Variants in OSBPL3 observed in about 807,000 individuals in gnomAD.
The protein encoded by OSBPL3 is oxysterol binding protein like 3.
A neutral mutation model predicts 120.1 loss-of-function variants in OSBPL3; 65 were observed. The observed-to-expected ratio is 0.54, with a 90% CI of 0.44 to 0.67. The LOEUF (loss-of-function observed/expected upper bound fraction) is 0.67. Ranked by LOEUF, OSBPL3 falls within the 30% of genes least tolerant of loss-of-function variation. OSBPL3 has a pLI of 0.00. For synonymous variants in OSBPL3, 416 were observed against 402.6 expected, an observed-to-expected ratio of 1.03 and a Z score of -0.40; for missense variants, 1,004 against 1,082.1, an observed-to-expected ratio of 0.93 and a Z score of 1.01.
At chr7:24,844,711 A>G (rs561091563) in intron 12 of OSBPL3, among the ~76,000 whole-genome samples, 137 of 152,330 alleles carry the variant, frequency 9.0e-4, no homozygotes, top group African/African-American at 2.9e-3. Context: ...TAGGTATTCA[A>G]AATAGAAAAT....
At chr7:24,929,360 C>T (rs965022038) in intron 1 of OSBPL3, among the ~76,000 whole-genome samples, 6 of 152,168 alleles carry the variant, frequency 3.9e-5, no homozygotes, top group East Asian at 1.9e-4. Flanking sequence ...TAGTTGCTAA[C>T]GCCGTAAAGA....
rs1351666768 is a variant in OSBPL3 at position 24,827,993 on chromosome 7, CCT to C, written c.1884+2773_1884+2774del. On this transcript the variant is annotated intron_variant, in intron 16 of 22. Coordinates refer to ENST00000313367, the MANE Select transcript of OSBPL3 (RefSeq NM_015550.4). This position sits in a 1 kb window ranked among gnomAD's most constrained non-coding sequence, Gnocchi z 5.1. ...CTTTCATCAAGTCATTCCTCAGCCT[CCT>C]CTCTGCCTTGTCAACACTCCTCTTA... Among the ~76,000 whole-genome samples, 5 of 152,184 alleles carry C rather than the reference CCT, an allele frequency of 3.3e-5. No homozygotes were observed.
chr7:24,943,736 A>G (rs956935249), intron 1 of OSBPL3, among the ~76,000 whole-genome samples: 5 of 152,222 alleles, frequency 3.3e-5, no homozygotes, highest in Non-Finnish European at 7.3e-5. Context: ...AAAAGCTTTC[A>G]CGTTCCCTGG....
At chr7:24,810,813 C>T (rs1489422482) in intron 19 of OSBPL3, among the ~76,000 whole-genome samples, 2 of 152,340 alleles carry the variant, frequency 1.3e-5, no homozygotes, top group East Asian at 3.9e-4. Context: ...GTTTATGTCA[C>T]TTATCCTCCA....
In OSBPL3 at chr7:24,871,274, G is replaced by C. The variant is rs552258800; in HGVS notation, c.268-429C>G. 7.0e-4 allele frequency among the ~76,000 whole-genome samples: 106 copies of C among 152,302 alleles called. No homozygotes were observed. Among genetic ancestry groups the C allele is most frequent in the Non-Finnish European group, 1.2e-3 (83 of 68,030 alleles). On this transcript the variant is annotated intron_variant, in intron 4 of 22. Coordinates refer to ENST00000313367, the MANE Select transcript of OSBPL3 (RefSeq NM_015550.4). The surrounding 1 kb of genome is among the most constrained non-coding windows in gnomAD (Gnocchi z 4.8). ...CAGAAGGCTGAGAGAGGACAGGAGA[G>C]GAAGAAGGGAGAAGAGTAGGACTCC...
intron 15 of OSBPL3, among the ~76,000 whole-genome samples, chr7:24,832,962 T>C (rs192792999): frequency 5.6e-4 from 86 of 152,288 alleles, no homozygotes; most frequent in Non-Finnish European, 1.1e-3. Context: ...CAGCTGAATA[T>C]CCTAAGGGTC....
rs1791752190 is a variant in OSBPL3, at chr7:24,796,632, G to A, written c.*3551C>T. 6.6e-6 allele frequency: 1 copy of A among 152,160 alleles called. No homozygotes were observed. Among genetic ancestry groups the A allele is most frequent in the African/African-American group, 2.4e-5 (1 of 41,432 alleles). 9.4% of individuals were successfully genotyped at this position (152,160 alleles called of 1,614,324 possible). ...TTTTTGGGGAGGCAGAGGTATGGAT[G>A]GAAGGGTGGGATTAAAACAAAATAA... On this transcript the variant is annotated 3_prime_UTR_variant, in exon 23 of 23. Coordinates refer to ENST00000313367, the MANE Select transcript of OSBPL3 (RefSeq NM_015550.4). The surrounding 1 kb of genome is among the most constrained non-coding windows in gnomAD (Gnocchi z 5.2).
chr7:24,921,048 T>C (rs1183873539), intron 1 of OSBPL3, among the ~76,000 whole-genome samples: 1 of 152,220 alleles, frequency 6.6e-6, no homozygotes, highest in East Asian at 1.9e-4. Context: ...TGAGCATTTA[T>C]TTATGTGTAA....
chr7:24,802,938 A>G lies in OSBPL3; in HGVS notation c.2567+1377T>C, dbSNP rs1455853846. Among the ~76,000 whole-genome samples, 1 of 152,128 alleles carries G rather than the reference A, an allele frequency of 6.6e-6. No individual in the cohort carries two copies. Among genetic ancestry groups the G allele is most frequent in the Non-Finnish European group, 1.5e-5 (1 of 68,036 alleles). On this transcript the variant is annotated intron_variant, in intron 22 of 22. Coordinates refer to ENST00000313367, the MANE Select transcript of OSBPL3 (RefSeq NM_015550.4). The surrounding 1 kb of genome is among the most constrained non-coding windows in gnomAD (Gnocchi z 4.1). ...TTAAACGTTTAAATGAAGCTTGAAT[A>G]TTTCAGGATGAAATTTTGGCCAGTT...
At chr7:24,973,392 A>G (rs919361643) in intron 1 of OSBPL3, among the ~76,000 whole-genome samples, 2 of 152,230 alleles carry the variant, frequency 1.3e-5, no homozygotes, top group African/African-American at 4.8e-5. Flanking sequence ...TATTCCACTC[A>G]TACTCAAGGG....
chr7:24,883,438 C>T lies in OSBPL3; in HGVS notation c.96+8939G>A, dbSNP rs1236950857. ...AATCGGTCAGCTCAGTTCACATTTGCATCAATAGCTTCTTGAGAACATTCC... is the reference window on the plus strand; with the variant it reads ...AATCGGTCAGCTCAGTTCACATTTGTATCAATAGCTTCTTGAGAACATTCC... On this transcript the variant is annotated intron_variant, in intron 2 of 22. Transcript: ENST00000313367. The surrounding 1 kb of genome is among the most constrained non-coding windows in gnomAD (Gnocchi z 5.4). Among the ~76,000 whole-genome samples the T allele has an allele frequency of 1.3e-5, 2 of 152,192 alleles. No individual in the cohort carries two copies. The highest frequency in any genetic ancestry group is 1.9e-4 in the East Asian group (1 of 5,200).
chr7:24,882,558 A>G (rs1270852239), intron 2 of OSBPL3, among the ~76,000 whole-genome samples: 1 of 152,230 alleles, frequency 6.6e-6, no homozygotes, highest in Non-Finnish European at 1.5e-5. Flanking sequence ...CAATAAACAT[A>G]TGAGTGCAGG....
rs988767465 is a variant in OSBPL3 at position 24,952,368 on chromosome 7, A to T, written c.-150+27518T>A. On this transcript the variant is annotated intron_variant, in intron 1 of 22. Coordinates refer to ENST00000313367, the MANE Select transcript of OSBPL3 (RefSeq NM_015550.4). This position sits in a 1 kb window ranked among gnomAD's most constrained non-coding sequence, Gnocchi z 4.4. ...CTCAAGTTTTGCCCAATGTCATGTA[A>T]TCACTAATCATATACCGGTTATCTA... Among the ~76,000 whole-genome samples the T allele has an allele frequency of 1.3e-5, 2 of 152,236 alleles. No individual in the cohort carries two copies. Among genetic ancestry groups the T allele is most frequent in the African/African-American group, 4.8e-5 (2 of 41,460 alleles).
rs1184599820 is a variant in OSBPL3, at chr7:24,798,386, A to C, written c.*1797T>G. ...ATTTGTTTTCCCCTTGAGTGCCCTT[A>C]AATCTACAGCCTGCTTCCTCATGTC... On this transcript the variant is annotated 3_prime_UTR_variant, in exon 23 of 23. Transcript: ENST00000313367. The surrounding 1 kb of genome is among the most constrained non-coding windows in gnomAD (Gnocchi z 4.6). 1 of 152,194 alleles carries C rather than the reference A, an allele frequency of 6.6e-6. No individual in the cohort carries two copies. Among genetic ancestry groups the C allele is most frequent in the African/African-American group, 2.4e-5 (1 of 41,446 alleles). 9.4% of individuals were successfully genotyped at this position (152,194 alleles called of 1,614,324 possible).
intron 1 of OSBPL3, among the ~76,000 whole-genome samples, chr7:24,957,798 G>A (rs965796808): frequency 2.6e-5 from 4 of 152,088 alleles, no homozygotes; most frequent in African/African-American, 4.8e-5. Flanking sequence ...AGTCCTCCAT[G>A]ATCTTGTTCT....
intron 19 of OSBPL3, among the ~76,000 whole-genome samples, chr7:24,814,620 T>G (rs1046894711): frequency 2.0e-5 from 3 of 152,182 alleles, no homozygotes; most frequent in African/African-American, 7.2e-5. Context: ...TGAAGTTCTA[T>G]ACCCATTCAA....
Position 24,938,779 on chromosome 7 carries a change from ATGTGTGTGTGTGTGTG to A in OSBPL3, c.-150+41091_-150+41106del, listed in dbSNP as rs142720310. Among the ~76,000 whole-genome samples, 59 of 94,256 alleles carry A rather than the reference ATGTGTGTGTGTGTGTG, an allele frequency of 6.3e-4. No individual in the cohort carries two copies. The highest frequency in any genetic ancestry group is 1.5e-3 in the East Asian group (5 of 3,302). 61.8% of individuals were successfully genotyped at this position (94,256 alleles called of 152,430 possible). A position where few individuals can be genotyped will look rare whatever the true frequency, so the allele number is the denominator to read the frequency against. Reference sequence around the variant, plus strand: ...AACTGAATAATGAGGTTTTGTTTTGATGTGTGTGTGTGTGTGTGTGTGTGTGTGTGTGTGTGTGTGT... The same window carrying A: ...AACTGAATAATGAGGTTTTGTTTTGATGTGTGTGTGTGTGTGTGTGTGTGT... On this transcript the variant is annotated intron_variant, in intron 1 of 22. Transcript: ENST00000313367. The surrounding 1 kb of genome is among the most constrained non-coding windows in gnomAD (Gnocchi z 5.8).
chr7:24,938,827 GTGTGTGTT>G lies in OSBPL3; in HGVS notation c.-150+41051_-150+41058del, dbSNP rs1812742915. On this transcript the variant is annotated intron_variant, in intron 1 of 22. Coordinates refer to ENST00000313367, the MANE Select transcript of OSBPL3 (RefSeq NM_015550.4). The surrounding 1 kb of genome is among the most constrained non-coding windows in gnomAD (Gnocchi z 5.8). ...TGTGTGTGTGTGTGTGTGTGTGTGT[GTGTGTGTT>G]TTGAGAGCAAAACTAATGTGGCCAA... is the stretch of plus-strand genomic sequence containing the variant. Among the ~76,000 whole-genome samples the G allele has an allele frequency of 6.8e-6, 1 of 146,506 alleles. No individual in the cohort carries two copies. Among genetic ancestry groups the G allele is most frequent in the Non-Finnish European group, 1.5e-5 (1 of 65,594 alleles).
chr7:24,969,563 A>AT (rs935212687), intron 1 of OSBPL3, among the ~76,000 whole-genome samples: 1 of 151,910 alleles, frequency 6.6e-6, no homozygotes, highest in African/African-American at 2.4e-5. Flanking sequence ...AGTGTATTGT[A>AT]TTTTTTTGTA....
Sources: allele counts gnomAD v4.1 joint callset (sites outside exome capture counted in the v4.1 genomes callset), GRCh38; gene constraint gnomAD v4.1.1; non-coding constraint Gnocchi (gnomAD v3.1); transcripts MANE v1.5; gene names NCBI Gene and HGNC (gene_info 2026-07-23, HGNC 2026-07-21).